Variants in TRPC5 observed in about 807,000 individuals in gnomAD.
TRPC5 encodes short transient receptor potential channel 5.
A neutral mutation model predicts 56.5 loss-of-function variants in TRPC5; 9 were observed. That is an observed-to-expected ratio of 0.16 (90% confidence interval 0.10 to 0.28). The LOEUF is 0.28. Among genes scored for constraint, TRPC5 ranks in the 10% least tolerant of loss-of-function variants. The pLI is 1.00. For synonymous variants in TRPC5, 282 were observed against 278.5 expected, an observed-to-expected ratio of 1.01 and a Z score of -0.13; for missense variants, 469 against 748.9, an observed-to-expected ratio of 0.63 and a Z score of 4.36.
chrX:111,982,723 TC>T (rs1317878435), intron 1 of TRPC5, among the ~76,000 whole-genome samples: 1 of 111,257 alleles, frequency 9.0e-6, no homozygotes, highest in Non-Finnish European at 1.9e-5. Context: ...TGTTATGTCT[TC>T]TGGTAGAAGC....
chrX:111,882,812 G>A (rs1924289457), intron 3 of TRPC5, among the ~76,000 whole-genome samples: 1 of 112,258 alleles, frequency 8.9e-6, no homozygotes, highest in Non-Finnish European at 1.9e-5. Flanking sequence ...CCGGCTGGGC[G>A]CTGTGGCTCA....
chrX:111,846,761 T>C (rs1469085504), intron 6 of TRPC5, among the ~76,000 whole-genome samples: 3 of 112,427 alleles, frequency 2.7e-5, no homozygotes, highest in African/African-American at 9.7e-5. Context: ...TTTCATTACC[T>C]TGGTGCCACA....
At chrX:112,000,852 T>A (rs1204720023) in intron 1 of TRPC5, among the ~76,000 whole-genome samples, 1 of 112,109 alleles carries the variant, frequency 8.9e-6, no homozygotes, top group Non-Finnish European at 1.9e-5. Context: ...GCGATTTCAC[T>A]GACCAAAGCC....
chrX:111,815,593 C>T (rs765333362), intron 7 of TRPC5, among the ~76,000 whole-genome samples: 8 of 110,574 alleles, frequency 7.2e-5, no homozygotes, highest in South Asian at 4.0e-4. Flanking sequence ...TGGTGGCACG[C>T]GCCTGTAATC....
At chrX:112,066,091 G>A (rs1247827678) in intron 1 of TRPC5, among the ~76,000 whole-genome samples, 1 of 104,420 alleles carries the variant, frequency 9.6e-6, no homozygotes, top group Non-Finnish European at 2.0e-5. Context: ...GCCGTTCTCT[G>A]CTTGTGAATA....
intron 1 of TRPC5, among the ~76,000 whole-genome samples, chrX:112,077,325 C>A (rs749179073): frequency 8.9e-6 from 1 of 111,974 alleles, no homozygotes; most frequent in African/African-American, 3.2e-5. Flanking sequence ...ATAAGTGGAC[C>A]TGGAAAAAGT....
intron 3 of TRPC5, among the ~76,000 whole-genome samples, chrX:111,889,366 A>T (rs951159819): frequency 1.8e-5 from 2 of 112,421 alleles, no homozygotes; most frequent in African/African-American, 6.5e-5. Context: ...TATCAGTCAT[A>T]AGAGATGAGA....
At chrX:112,032,758 A>G (rs1929620382) in intron 1 of TRPC5, among the ~76,000 whole-genome samples, 1 of 112,074 alleles carries the variant, frequency 8.9e-6, no homozygotes, top group Non-Finnish European at 1.9e-5. Flanking sequence ...AAGAGTTCCA[A>G]TTTTTGTACA....
intron 2 of TRPC5, among the ~76,000 whole-genome samples, chrX:111,919,401 C>G (rs765343242): frequency 1.8e-5 from 2 of 111,940 alleles, no homozygotes; most frequent in South Asian, 7.6e-4. Flanking sequence ...CACTTCTTCA[C>G]AATAAATTAT....
chrX:111,965,995 A>C (rs1402063052), intron 1 of TRPC5, among the ~76,000 whole-genome samples: 1 of 112,118 alleles, frequency 8.9e-6, no homozygotes, highest in African/African-American at 3.2e-5. Context: ...GAACTGAAGG[A>C]AATAGAGACA....
At chrX:112,064,516 C>T (rs1930534109) in intron 1 of TRPC5, among the ~76,000 whole-genome samples, 1 of 111,801 alleles carries the variant, frequency 8.9e-6, no homozygotes, top group Non-Finnish European at 1.9e-5. Context: ...CTTCATACAC[C>T]TCTGACAGCT....
intron 1 of TRPC5, among the ~76,000 whole-genome samples, chrX:112,017,625 T>C (rs957008742): frequency 7.2e-5 from 8 of 110,697 alleles, no homozygotes; most frequent in African/African-American, 2.6e-4. Context: ...CAGCAGGAAG[T>C]GAGGTGTTGG....
chrX:111,909,492 C>T (rs765857312), intron 3 of TRPC5, among the ~76,000 whole-genome samples: 106 of 110,587 alleles, frequency 9.6e-4, no homozygotes, highest in African/African-American at 3.3e-3. Context: ...GATGGATGCA[C>T]GATGTGAATG....
intron 7 of TRPC5, among the ~76,000 whole-genome samples, chrX:111,823,739 C>G (rs1037516943): frequency 9.0e-6 from 1 of 110,866 alleles, no homozygotes; most frequent in Non-Finnish European, 1.9e-5. Flanking sequence ...GGAAAGGCTC[C>G]TTAAAGGATC....
intron 1 of TRPC5, among the ~76,000 whole-genome samples, chrX:112,075,525 G>T (rs1314749352): frequency 8.9e-6 from 1 of 112,259 alleles, no homozygotes; most frequent in African/African-American, 3.2e-5. Flanking sequence ...CAGAACCTGT[G>T]AATATGATAT....
intron 1 of TRPC5, among the ~76,000 whole-genome samples, chrX:112,014,594 T>C (rs1929073932): frequency 8.9e-6 from 1 of 112,184 alleles, no homozygotes; most frequent in Non-Finnish European, 1.9e-5. Context: ...AATCTATCTG[T>C]TCAAGGATGT....
At chrX:111,785,317 G>A (rs1945953152) in intron 7 of TRPC5, among the ~76,000 whole-genome samples, 1 of 111,904 alleles carries the variant, frequency 8.9e-6, no homozygotes, top group Non-Finnish European at 1.9e-5. Flanking sequence ...TGTAGCTGAG[G>A]GACCTGACTG....
intron 6 of TRPC5, among the ~76,000 whole-genome samples, chrX:111,838,447 C>G (rs1260638941): frequency 1.8e-5 from 2 of 110,563 alleles, no homozygotes; most frequent in African/African-American, 6.6e-5. Context: ...AAAGGGCCAC[C>G]ACTGGTGGTG....
intron 3 of TRPC5, among the ~76,000 whole-genome samples, chrX:111,892,398 A>T (rs1217553261): frequency 2.7e-5 from 3 of 112,048 alleles, no homozygotes; most frequent in Non-Finnish European, 5.6e-5. Flanking sequence ...GTTTCTAAAG[A>T]TTTAATGCTT....
Sources: allele counts gnomAD v4.1 joint callset (sites outside exome capture counted in the v4.1 genomes callset), GRCh38; gene constraint gnomAD v4.1.1; transcripts MANE v1.5; gene names NCBI Gene and HGNC (gene_info 2026-07-23, HGNC 2026-07-21).